GRID1: variants seen among roughly 807,000 people sequenced by gnomAD.
GRID1 encodes glutamate receptor ionotropic, delta-1.
GRID1 carries 28 observed loss-of-function variants against 98.0 expected under a neutral mutation model. That is an observed-to-expected ratio of 0.29 (90% CI 0.21 to 0.39). GRID1 has a LOEUF of 0.39. Ranked by LOEUF, GRID1 falls within the 10% of genes least tolerant of loss-of-function variation. The probability of loss-of-function intolerance (pLI) is 1.00; values close to 1 mark genes in which losing one functional copy is unlikely to be tolerated. For synonymous variants in GRID1, 553 were observed against 538.5 expected (o/e 1.03, Z -0.37); for missense variants, 1,111 against 1,340.5 (o/e 0.83, Z 2.67).
intron 2 of GRID1, among the ~76,000 whole-genome samples, chr10:86,340,897 G>A (rs1386666315): frequency 6.6e-6 from 1 of 152,122 alleles, no homozygotes; most frequent in Non-Finnish European, 1.5e-5. Flanking sequence ...TGCCTCTCAG[G>A]AGCCTACTCC....
At position 86,365,549 on chromosome 10, in the gene GRID1, C is replaced by T. The variant is rs1260818630; in HGVS notation, c.79+765G>A. On this transcript the variant is annotated intron_variant, in intron 1 of 15. Transcript: ENST00000327946. This position sits in a 1 kb window ranked among gnomAD's most constrained non-coding sequence, Gnocchi z 4.8. Reference sequence around the variant, plus strand: ...TCTCTTCCCGCTCAGCATCCCCCTACCCCCCGCTGCCCACGCTTCTTCCCT... The same window carrying T: ...TCTCTTCCCGCTCAGCATCCCCCTATCCCCCGCTGCCCACGCTTCTTCCCT... Among the ~76,000 whole-genome samples the T allele has an allele frequency of 6.6e-6, 1 of 151,964 alleles. No homozygotes were observed. Among genetic ancestry groups the T allele is most frequent in the Admixed American group, 6.5e-5 (1 of 15,278 alleles).
intron 3 of GRID1, among the ~76,000 whole-genome samples, chr10:86,151,209 G>A (rs1845163804): frequency 1.3e-5 from 2 of 152,130 alleles, no homozygotes; most frequent in Admixed American, 1.3e-4. Context: ...TGAGAAGGAG[G>A]CAGGTTTGCA....
At position 86,254,742 on chromosome 10, in the gene GRID1, C is replaced by A. The variant is rs556649519; in HGVS notation, c.236-48094G>T. Among the ~76,000 whole-genome samples, 3 of 152,366 alleles carry A rather than the reference C, an allele frequency of 2.0e-5. No individual in the cohort carries two copies. In the East Asian group the frequency reaches 5.8e-4, roughly 29 times the overall value. Reference sequence around the variant, plus strand: ...AAAGCAGAGCCGCTGAAGCCTGGGGCTGCCCATCACCTGTCAGATGCCCAG... The same window carrying A: ...AAAGCAGAGCCGCTGAAGCCTGGGGATGCCCATCACCTGTCAGATGCCCAG... On this transcript the variant is annotated intron_variant, in intron 2 of 15. Transcript: ENST00000327946.
chr10:86,082,406 G>A (rs1254151742), intron 4 of GRID1, among the ~76,000 whole-genome samples: 1 of 152,182 alleles, frequency 6.6e-6, no homozygotes, highest in African/African-American at 2.4e-5. Context: ...GGCAGGTGCA[G>A]AGCAGGGAGG....
At chr10:86,290,971 T>C (rs766794352) in intron 2 of GRID1, among the ~76,000 whole-genome samples, 37 of 152,160 alleles carry the variant, frequency 2.4e-4, no homozygotes, top group Non-Finnish European at 4.6e-4. Context: ...AGTGAGATTC[T>C]GACAGTCCAG....
intron 4 of GRID1, among the ~76,000 whole-genome samples, chr10:86,108,381 G>T (rs969642458): frequency 4.6e-5 from 7 of 152,202 alleles, no homozygotes; most frequent in African/African-American, 1.7e-4. Flanking sequence ...AAAGTGCTCA[G>T]AAAAGTGGTA....
chr10:85,935,902 T>C (rs1841919600), intron 4 of GRID1, among the ~76,000 whole-genome samples: 1 of 152,230 alleles, frequency 6.6e-6, no homozygotes, highest in Non-Finnish European at 1.5e-5. Context: ...TACCTTGCCT[T>C]ATACCAAGAA....
intron 2 of GRID1, among the ~76,000 whole-genome samples, chr10:86,308,284 C>T (rs879779802): frequency 6.6e-6 from 1 of 152,228 alleles, no homozygotes; most frequent in Non-Finnish European, 1.5e-5. Context: ...GTCCGTCTAC[C>T]TCCAGACCTG....
At chr10:86,252,837 G>A (rs1846858550) in intron 2 of GRID1, among the ~76,000 whole-genome samples, 1 of 152,204 alleles carries the variant, frequency 6.6e-6, no homozygotes, top group Non-Finnish European at 1.5e-5. Context: ...TGCTGAATTT[G>A]CTGAGTCTCC....
chr10:85,940,085 A>AG (rs1362529302), intron 4 of GRID1, among the ~76,000 whole-genome samples: 2 of 147,094 alleles, frequency 1.4e-5, no homozygotes, highest in Non-Finnish European at 3.0e-5. Context: ...AAAAAAAAAA[A>AG]AAAGAGAGAG....
intron 14 of GRID1, among the ~76,000 whole-genome samples, chr10:85,615,969 T>C (rs1054232309): frequency 3.9e-5 from 6 of 152,186 alleles, no homozygotes; most frequent in African/African-American, 9.7e-5. Flanking sequence ...CCTCTCAAAT[T>C]TAGCTCTCTC....
chr10:85,930,935 G>C (rs1589302883), intron 4 of GRID1, among the ~76,000 whole-genome samples: 1 of 152,032 alleles, frequency 6.6e-6, no homozygotes, highest in African/African-American at 2.4e-5. Context: ...TTGACCTCCG[G>C]GATCAAGCAA....
At chr10:86,336,946 G>T (rs545956744) in intron 2 of GRID1, among the ~76,000 whole-genome samples, 4 of 150,532 alleles carry the variant, frequency 2.7e-5, no homozygotes, top group Admixed American at 1.3e-4. Flanking sequence ...CTGGGTTCAC[G>T]CCATTCTCCT....
At chr10:85,676,855 T>C (rs756708402) in intron 12 of GRID1, among the ~76,000 whole-genome samples, 27 of 152,334 alleles carry the variant, frequency 1.8e-4, no homozygotes, top group Non-Finnish European at 2.9e-4. Context: ...TTTCACTTGC[T>C]TACCAGATTT....
At chr10:86,027,456 T>G (rs1370424288) in intron 4 of GRID1, among the ~76,000 whole-genome samples, 1 of 152,254 alleles carries the variant, frequency 6.6e-6, no homozygotes, top group African/African-American at 2.4e-5. Context: ...AAATACTATT[T>G]CATTGTATGG....
intron 13 of GRID1, among the ~76,000 whole-genome samples, chr10:85,640,543 G>A (rs1199544293): frequency 1.3e-5 from 2 of 152,170 alleles, no homozygotes; most frequent in Non-Finnish European, 2.9e-5. Context: ...GGAATTTCCA[G>A]CATGCCATGG....
At chr10:85,696,752 A>T (rs1841399378) in intron 12 of GRID1, among the ~76,000 whole-genome samples, 1 of 151,880 alleles carries the variant, frequency 6.6e-6, no homozygotes, top group African/African-American at 2.4e-5. Flanking sequence ...ATTTAAGCAA[A>T]ACTCTTTTTT....
intron 3 of GRID1, among the ~76,000 whole-genome samples, chr10:86,194,437 T>C (rs189262858): frequency 7.8e-4 from 118 of 152,204 alleles, no homozygotes; most frequent in Non-Finnish European, 1.5e-3. Context: ...CGGGGCATGG[T>C]TCCCCTTCTG....
intron 12 of GRID1, among the ~76,000 whole-genome samples, chr10:85,671,812 T>C (rs1336314685): frequency 2.6e-5 from 4 of 152,200 alleles, no homozygotes; most frequent in Non-Finnish European, 5.9e-5. Flanking sequence ...AACATATGAA[T>C]TATAAGAAAG....
Sources: gnomAD v4.1 joint callset for allele counts (sites outside exome capture counted in the v4.1 genomes callset) on GRCh38, gnomAD v4.1.1 for gene constraint, Gnocchi (gnomAD v3.1) non-coding constraint, MANE v1.5 for transcripts, NCBI Gene and HGNC (gene_info 2026-07-23, HGNC 2026-07-21) for gene names.